Variants in WLS observed in about 807,000 individuals in gnomAD.
WLS encodes the protein Wnt ligand secretion mediator, also known as protein wntless homolog.
WLS carries 23 observed loss-of-function variants against 62.8 expected under a neutral mutation model. The observed-to-expected ratio is 0.37, with a 90% CI of 0.26 to 0.52. The LOEUF (loss-of-function observed/expected upper bound fraction) is 0.52, where lower values mean the gene tolerates loss of function less well. Ranked by LOEUF, WLS falls within the 20% of genes least tolerant of loss-of-function variation. WLS has a pLI of 0.92. For synonymous variants in WLS, 246 were observed against 244.1 expected, an observed-to-expected ratio of 1.01 and a Z score of -0.07; for missense variants, 615 against 697.3, an observed-to-expected ratio of 0.88 and a Z score of 1.33.
At chr1:68,227,405 C>T (rs1329874003) in intron 1 of WLS, among the ~76,000 whole-genome samples, 1 of 112,858 alleles carries the variant, frequency 8.9e-6, no homozygotes, top group African/African-American at 3.5e-5. Flanking sequence ...GACTCCGTCA[C>T]AAAAAAAAAA....
intron 10 of WLS, chr1:68,141,751 G>A (rs1646689365): frequency 2.0e-5 from 3 of 152,084 alleles, no homozygotes; most frequent in South Asian, 2.1e-4. Flanking sequence ...TTCCTTTCAG[G>A]TGAGCTCATT....
In WLS at chr1:68,131,062, T is replaced by TTGTG. The variant is rs6143260; in HGVS notation, c.1517-4731_1517-4728dup. 6.6e-3 allele frequency among the ~76,000 whole-genome samples: 959 copies of TTGTG among 146,086 alleles called. 11 individuals carry two copies. Among genetic ancestry groups the TTGTG allele is most frequent in the African/African-American group, 0.022 (875 of 39,658 alleles). ...CGCATGCCACCATGCCCAGCTAATT[T>TTGTG]TGTGTGTGTGTGTGTGTGTGTGTGT... On this transcript the variant is annotated intron_variant, in intron 11 of 11. Transcript: ENST00000262348.
intron 2 of WLS, among the ~76,000 whole-genome samples, chr1:68,193,281 C>G (rs917852378): frequency 2.0e-5 from 3 of 150,982 alleles, no homozygotes; most frequent in African/African-American, 7.3e-5. Context: ...CCTAAGATTC[C>G]TGATACTGTC....
chr1:68,162,233 C>T (rs933313447), intron 2 of WLS: 2 of 1,515,766 alleles, frequency 1.3e-6, no homozygotes, highest in African/African-American at 2.7e-5. Context: ...ATCCTGCCCT[C>T]CTTGAGAGCT....
chr1:68,144,216 G>T (rs908664737), intron 10 of WLS, among the ~76,000 whole-genome samples: 1 of 152,218 alleles, frequency 6.6e-6, no homozygotes, highest in South Asian at 2.1e-4. Flanking sequence ...CTGATGGACT[G>T]TATAAGGATC....
rs1206354175 is a variant in WLS, at chr1:68,150,132, T to G, written c.972+56A>C. The G allele has an allele frequency of 3.8e-6, 6 of 1,571,656 alleles. No individual in the cohort carries two copies. In the African/African-American group the frequency reaches 8.1e-5, roughly 21 times the overall value. ...AGGCAAAGGGGGGCAGGTGTCAGCT[T>G]GGCAGCCTGCACAGAGCAGCTGGTA... is the stretch of plus-strand genomic sequence containing the variant. On this transcript the variant is annotated intron_variant, in intron 6 of 11. Transcript: ENST00000262348.
In WLS at chr1:68,137,917, C is replaced by T; in HGVS notation, c.1379G>A (p.Trp460Ter). Residue 460 changes from tryptophan to a stop codon, truncating the protein, a stop_gained, in exon 11 of 12, where the codon TGG (tryptophan) becomes TAG (stop). Transcript: ENST00000262348. LOFTEE classifies it high-confidence loss of function. ...TTGGACTGTGACGCCGCCCCATTTC[C>T]AATGGCCTTCCGTTACCTGCGGAGA... ...FIVSQVTEGHWKWGGVTVQVN... is the reference protein window; with the variant it reads ...FIVSQVTEGH 1 of 1,613,796 alleles carries T rather than the reference C, an allele frequency of 6.2e-7. No homozygotes were observed. Among genetic ancestry groups the T allele is most frequent in the Non-Finnish European group, 8.5e-7 (1 of 1,179,826 alleles).
intron 11 of WLS, among the ~76,000 whole-genome samples, chr1:68,135,006 G>A (rs769618355): frequency 1.1e-4 from 16 of 152,190 alleles, no homozygotes; most frequent in Non-Finnish European, 1.5e-4. Context: ...AGTTGGACAC[G>A]TTCTCACCAG....
chr1:68,189,410 TTC>T (rs1557507926), intron 2 of WLS, among the ~76,000 whole-genome samples: 1 of 152,256 alleles, frequency 6.6e-6, no homozygotes, highest in African/African-American at 2.4e-5. Flanking sequence ...AGTATATTTT[TTC>T]TTTCATTATT....
intron 1 of WLS, among the ~76,000 whole-genome samples, chr1:68,222,998 C>T (rs925999602): frequency 1.2e-4 from 18 of 152,222 alleles, no homozygotes; most frequent in African/African-American, 4.3e-4. Context: ...GAATCCCAGG[C>T]ATTCTTATTC....
At chr1:68,122,403 G>C (rs552437675), downstream of WLS, among the ~76,000 whole-genome samples, 1 of 152,186 alleles carries the variant, frequency 6.6e-6, no homozygotes, top group African/African-American at 2.4e-5. Context: ...CCCTTGGGCA[G>C]TCACACGTGG....
At chr1:68,231,738 G>T (rs1171862156) in intron 1 of WLS, 2 of 464,808 alleles carry the variant, frequency 4.3e-6, no homozygotes, top group Non-Finnish European at 8.6e-6. Flanking sequence ...AGAGCTCCGG[G>T]TTTGCGCCGG....
At chr1:68,195,764 A>G (rs1648625142) in intron 1 of WLS, among the ~76,000 whole-genome samples, 1 of 152,082 alleles carries the variant, frequency 6.6e-6, no homozygotes, top group Non-Finnish European at 1.5e-5. Flanking sequence ...CTTCATCTCA[A>G]AATTCAATAG....
chr1:68,170,397 A>G (rs148471324), intron 2 of WLS, among the ~76,000 whole-genome samples: 9,246 of 151,404 alleles, frequency 0.061, 351 homozygotes, highest in Admixed American at 0.093. Context: ...TGAACTCCCA[A>G]CCTCAGGTGA....
chr1:68,117,930 T>G (rs1646314128), intron 11 of WLS, among the ~76,000 whole-genome samples: 1 of 152,056 alleles, frequency 6.6e-6, no homozygotes, highest in African/African-American at 2.4e-5. Context: ...AAATATTTAA[T>G]TGGTCTTCCA....
rs769864543 is a variant in WLS, at chr1:68,209,510, G to A, written c.107-15283C>T. 3.3e-5 allele frequency among the ~76,000 whole-genome samples: 5 copies of A among 152,210 alleles called. 1 individual carries two copies. The highest frequency in any genetic ancestry group is 4.8e-5 in the African/African-American group (2 of 41,448). On this transcript the variant is annotated intron_variant, in intron 1 of 11. Coordinates refer to ENST00000262348, the MANE Select transcript of WLS (RefSeq NM_024911.7). ...AGAAGTAAGTGTGGCCGGGCACGTT[G>A]GCTCGTGCCTGTAATCCCAGCACTT... is the stretch of plus-strand genomic sequence containing the variant.
In WLS at chr1:68,113,410, G is replaced by T. The variant is rs191174702; in HGVS notation, c.1511-14657C>A. Among the ~76,000 whole-genome samples the T allele has an allele frequency of 2.3e-3, 347 of 152,264 alleles. 5 individuals carry two copies. The highest frequency in any genetic ancestry group is 0.018 in the Admixed American group (278 of 15,304). Reference sequence around the variant, plus strand: ...ACCCTAGTAATCTACTCATTCCCCAGGTAATTACTGAGCCACTCTGTGTTC... The same window carrying T: ...ACCCTAGTAATCTACTCATTCCCCATGTAATTACTGAGCCACTCTGTGTTC... On this transcript the variant is annotated intron_variant, in intron 11 of 11. Transcript: ENST00000354777.
At chr1:68,218,581 G>A (rs895707833) in intron 1 of WLS, among the ~76,000 whole-genome samples, 31 of 152,206 alleles carry the variant, frequency 2.0e-4, no homozygotes, top group Admixed American at 1.6e-3. Context: ...AGGCACTGCC[G>A]TTTTGAGGCC....
At chr1:68,220,199 G>A (rs919246849) in intron 1 of WLS, among the ~76,000 whole-genome samples, 1 of 152,176 alleles carries the variant, frequency 6.6e-6, no homozygotes, top group African/African-American at 2.4e-5. Context: ...CATAGATCTT[G>A]CCTAATAGGA....
Sources: gnomAD v4.1 joint callset for allele counts (sites outside exome capture counted in the v4.1 genomes callset) on GRCh38, gnomAD v4.1.1 for gene constraint, MANE v1.5 for transcripts, NCBI Gene and HGNC (gene_info 2026-07-23, HGNC 2026-07-21) for gene names.